CRACR2B: variants seen among roughly 807,000 people sequenced by gnomAD.
The protein encoded by CRACR2B is calcium release activated channel regulator 2B.
In CRACR2B, 50 loss-of-function variants were observed where a neutral mutation model predicts 46.0. That is an observed-to-expected ratio of 1.09 (90% CI 0.87 to 1.38). The LOEUF (loss-of-function observed/expected upper bound fraction) is 1.38. Ranked by LOEUF, CRACR2B falls within the 40% of genes most tolerant of loss-of-function variation. The probability of loss-of-function intolerance (pLI) is 0.00; values close to 1 mark genes in which losing one functional copy is unlikely to be tolerated. For missense variants in CRACR2B, 667 were observed against 535.0 expected (o/e 1.25, Z -2.43); for synonymous variants, 277 against 239.6 (o/e 1.16, Z -1.44).
In CRACR2B at chr11:830,867, T is replaced by TA; in HGVS notation, c.789dup (p.Glu264ArgfsTer88). 2.0e-6 allele frequency: 3 copies of TA among 1,523,014 alleles called. No homozygotes were observed. Among genetic ancestry groups the TA allele is most frequent in the Non-Finnish European group, 2.6e-6 (3 of 1,139,362 alleles). The allele number at this position is 1,523,014 out of a possible 1,614,324, so 94.3% of individuals were successfully genotyped here. On this transcript the variant is annotated frameshift_variant and splice_region_variant, in exon 7 of 9. Transcript: ENST00000525077. LOFTEE classifies it high-confidence loss of function. ...GGTCTCCATCCTTCCACCCTCCAGT[T>TA]AGAGCAGCAGCTGCACGCCCAGGCT...
At position 828,856 on chromosome 11, in the gene CRACR2B, T is replaced by C. The variant is rs1590191195; in HGVS notation, c.170T>C (p.Leu57Pro). Residue 57 changes from leucine to proline, a missense_variant, in exon 2 of 9, where the codon CTC becomes CCC. Coordinates refer to ENST00000525077, the MANE Select transcript of CRACR2B (RefSeq NM_001286606.2). Reference protein sequence around the residue: ...GFITKHDLQGLQSDLPLTPEQ... With the variant: ...GFITKHDLQGPQSDLPLTPEQ... Reference sequence around the variant, plus strand: ...CTGCTCTCCTTCCCCGACCAGGGTCTCCAGAGCGACCTGCCCCTCACGCCA... The same window carrying C: ...CTGCTCTCCTTCCCCGACCAGGGTCCCCAGAGCGACCTGCCCCTCACGCCA... 6.2e-7 allele frequency: 1 copy of C among 1,610,836 alleles called. No homozygotes were observed. Among genetic ancestry groups the C allele is most frequent in the East Asian group, 2.2e-5 (1 of 44,878 alleles).
At chr11:831,381 A>G in intron 8 of CRACR2B, 86 bp downstream of exon 8, 2 of 1,513,276 alleles carry the variant, frequency 1.3e-6, no homozygotes, top group South Asian at 1.2e-5. Flanking sequence ...CTGCCGCTCT[A>G]CTCCATTGGA....
intron 3 of CRACR2B, 166 bp downstream of exon 3, chr11:829,706 C>T (rs1314057761): frequency 8.5e-6 from 9 of 1,058,414 alleles, no homozygotes; most frequent in Non-Finnish European, 9.2e-6. Context: ...GCATGATTTC[C>T]CGCAGAATTT....
At chr11:827,561 C>T (rs546607735), upstream of CRACR2B, 21 of 984,738 alleles carry the variant, frequency 2.1e-5, no homozygotes, top group Admixed American at 6.1e-5. Flanking sequence ...TGCTGCCGCG[C>T]GGCTTCCGGC....
chr11:828,416 A>G lies in CRACR2B; in HGVS notation c.-192A>G. Reference sequence around the variant, plus strand: ...CATCAACCACCCCAGTGACACCCCAAGCCTGCAGCATTTTCCACCCCCAGC... The same window carrying G: ...CATCAACCACCCCAGTGACACCCCAGGCCTGCAGCATTTTCCACCCCCAGC... On this transcript the variant is annotated 5_prime_UTR_variant, in exon 1 of 9. Coordinates refer to ENST00000525077, the MANE Select transcript of CRACR2B (RefSeq NM_001286606.2). The G allele has an allele frequency of 1.6e-6, 1 of 632,252 alleles. No individual in the cohort carries two copies. Among genetic ancestry groups the G allele is most frequent in the South Asian group, 2.2e-5 (1 of 45,818 alleles). The allele number at this position is 632,252 out of a possible 1,614,324, so 39.2% of individuals were successfully genotyped here.
chr11:830,674 C>G lies in CRACR2B; in HGVS notation c.747C>G (p.Arg249=). The change falls in exon 6 of 9, where the codon CGC becomes CGG. Residue 249 remains arginine (R), a synonymous_variant. Transcript: ENST00000525077. ...RSRLELELQS[R]EQDLERAGLR... ...GTCTGGAGCTGGAGCTGCAGAGCCG[C>G]GAGCAGGACCTGGAACGCGCGGGCC... The G allele has an allele frequency of 1.9e-6, 3 of 1,545,748 alleles. No homozygotes were observed. Among genetic ancestry groups the G allele is most frequent in the Non-Finnish European group, 2.6e-6 (3 of 1,145,772 alleles).
chr11:829,019 G>A (rs748815712), intron 2 of CRACR2B, 56 bp downstream of exon 2: 18 of 1,590,602 alleles, frequency 1.1e-5, no homozygotes, highest in Non-Finnish European at 1.4e-5. Flanking sequence ...CTGATCAGGA[G>A]GCCTGGCACT....
intron 2 of CRACR2B, 151 bp from the exon 3 acceptor site, chr11:829,209 C>A: frequency 7.0e-7 from 1 of 1,436,238 alleles, no homozygotes; most frequent in Non-Finnish European, 9.2e-7. Flanking sequence ...GGCCTGTCAC[C>A]TCTTGTTTCC....
chr11:827,542 C>T, upstream of CRACR2B: 1 of 985,282 alleles, frequency 1.0e-6, no homozygotes, highest in Middle Eastern at 5.2e-4. Flanking sequence ...TCCCACCTCC[C>T]TGGGGCCCTG....
Position 830,043 on chromosome 11 carries a change from G to A in CRACR2B, c.516G>A (p.Leu172=). 6.4e-7 allele frequency: 1 copy of A among 1,567,224 alleles called. No individual in the cohort carries two copies. The highest frequency in any genetic ancestry group is 2.3e-5 in the East Asian group (1 of 42,816). ...ARLQRERPEL[L]GSFEDVLIRA... The stretch of plus-strand genomic sequence containing the variant: ...TGCAGCGCGAGCGCCCCGAGCTGCT[G>A]GGCTCTTTCGAGGATGTTCTGATAC... Residue 172 remains leucine (L), a synonymous_variant, in exon 4 of 9, where the codon CTG becomes CTA. Coordinates refer to ENST00000525077, the MANE Select transcript of CRACR2B (RefSeq NM_001286606.2).
chr11:829,217 T>C (rs1846172900), intron 2 of CRACR2B, 143 bp from the exon 3 acceptor site: 10 of 1,443,384 alleles, frequency 6.9e-6, no homozygotes, highest in Non-Finnish European at 9.2e-6. Flanking sequence ...ACCTCTTGTT[T>C]CCAGGCCAAT....
In CRACR2B at chr11:831,023, A is replaced by G; in HGVS notation, c.944A>G (p.Gln315Arg). The G allele has an allele frequency of 6.5e-7, 1 of 1,534,646 alleles. No homozygotes were observed. The highest frequency in any genetic ancestry group is 8.7e-7 in the Non-Finnish European group (1 of 1,146,602). Residue 315 changes from glutamine (Q) to arginine (R), a missense_variant, in exon 7 of 9, where the codon CAA becomes CGA. By Grantham distance (43) the Gln-to-Arg change is conservative. Transcript: ENST00000525077. ...AGCGAAGCACGAGGCCGCCAGGAGC[A>G]AACCCAACGGTGCCGTGGGACGGGG... ...LESEARGRQE[Q>R]TQRDVVAVSR...
Position 831,675 on chromosome 11 carries a change from G to C in CRACR2B, c.1166G>C (p.Arg389Thr), listed in dbSNP as rs752484854. 4.8e-5 allele frequency: 74 copies of C among 1,527,738 alleles called. No individual in the cohort carries two copies. The highest frequency in any genetic ancestry group is 3.8e-4 in the Middle Eastern group (2 of 5,242). The allele number at this position is 1,527,738 out of a possible 1,614,324, so 94.6% of individuals were successfully genotyped here. A position where few individuals can be genotyped will look rare whatever the true frequency, so the allele number is the denominator to read the frequency against. Residue 389 changes from arginine to threonine, a missense_variant, in exon 9 of 9, where the codon AGA becomes ACA. Physicochemically the swap from Arg to Thr is moderately conservative, Grantham distance 71 (BLOSUM62 -1). Coordinates refer to ENST00000525077, the MANE Select transcript of CRACR2B (RefSeq NM_001286606.2). ...CCCCCWARPP[R>T]RGSGHLPSAR The stretch of plus-strand genomic sequence containing the variant: ...TGCTGTTGCTGGGCTCGGCCCCCCA[G>C]ACGCGGCTCTGGCCACCTTCCCAGT...
upstream of CRACR2B, chr11:827,399 C>A (rs1373148107): frequency 6.1e-6 from 2 of 330,280 alleles, no homozygotes; most frequent in Non-Finnish European, 8.7e-6. Flanking sequence ...GTGGCCCGCG[C>A]CAAACCTGAG....
chr11:830,553 C>G, intron 5 of CRACR2B, 68 bp from the exon 6 acceptor site: 1 of 1,547,138 alleles, frequency 6.5e-7, no homozygotes, highest in Non-Finnish European at 8.7e-7. Flanking sequence ...CAGCCCCTGG[C>G]CCTCCGTGTA....
rs756145742 is a variant in CRACR2B at position 828,779 on chromosome 11, C to A, written c.165+7C>A. ...CACCAAGCACGACCTGCAGGTGAGT[C>A]CCCCACCCCAAGAGACTGCTTCGGC... On this transcript the variant is annotated splice_region_variant and intron_variant, in intron 1 of 8. Transcript: ENST00000525077. 2.3e-5 allele frequency: 37 copies of A among 1,612,924 alleles called. 1 individual carries two copies. In the South Asian group the frequency reaches 4.1e-4, roughly 18 times the overall value.
rs539907988 is a variant in CRACR2B, at chr11:829,351, T to C, written c.278-9T>C. Reference sequence around the variant, plus strand: ...ACAGCCCTGGTAATCGCTCGCTCCATGCCCGCAGGGATGTTTGTGGGGGTG... The same window carrying C: ...ACAGCCCTGGTAATCGCTCGCTCCACGCCCGCAGGGATGTTTGTGGGGGTG... On this transcript the variant is annotated splice_polypyrimidine_tract_variant and intron_variant, in intron 2 of 8. Coordinates refer to ENST00000525077, the MANE Select transcript of CRACR2B (RefSeq NM_001286606.2). The C allele has an allele frequency of 3.2e-5, 51 of 1,600,370 alleles. 1 individual carries two copies. The highest frequency in any genetic ancestry group is 3.8e-5 in the Non-Finnish European group (45 of 1,175,654).
In CRACR2B at chr11:828,849, C is replaced by A; in HGVS notation, c.166-3C>A. The A allele has an allele frequency of 1.2e-6, 2 of 1,610,802 alleles. No individual in the cohort carries two copies. Among genetic ancestry groups the A allele is most frequent in the South Asian group, 2.2e-5 (2 of 91,060 alleles). ...CTCATCTCTGCTCTCCTTCCCCGAC[C>A]AGGGTCTCCAGAGCGACCTGCCCCT... On this transcript the variant is annotated splice_region_variant and splice_polypyrimidine_tract_variant and intron_variant, in intron 1 of 8. Transcript: ENST00000525077.
At position 829,528 on chromosome 11, in the gene CRACR2B, C is replaced by T. The variant is rs543530664; in HGVS notation, c.446C>T (p.Pro149Leu). The change falls in exon 3 of 9, where the codon CCG becomes CTG. Residue 149 changes from proline to leucine, a missense_variant. By Grantham distance (98) the Pro-to-Leu change is moderately conservative (BLOSUM62 -3). Transcript: ENST00000525077. ...GTGCTGGAGCAGCTGGGGGTGGCCC[C>T]GGTCCTGGGCAAGTGAGTCGGCGCT... ...HTVLEQLGVA[P>L]VLGKQRAVRT... The T allele has an allele frequency of 1.3e-6, 2 of 1,587,858 alleles. No individual in the cohort carries two copies. Among genetic ancestry groups the T allele is most frequent in the Non-Finnish European group, 1.7e-6 (2 of 1,169,730 alleles).
Sources: allele counts gnomAD v4.1 joint callset, GRCh38; gene constraint gnomAD v4.1.1; transcripts MANE v1.5; gene names NCBI Gene and HGNC (gene_info 2026-07-23, HGNC 2026-07-21).